GALNT17: variants seen among roughly 807,000 people sequenced by gnomAD.
GALNT17 encodes the protein UDP-GalNAc:polypeptide N-acetylgalactosaminyltransferase-like 3.
In GALNT17, 29 loss-of-function variants were observed where a neutral mutation model predicts 63.7. That is an observed-to-expected ratio of 0.46 (90% CI 0.34 to 0.62). The LOEUF (loss-of-function observed/expected upper bound fraction) is 0.62, where lower values mean the gene tolerates loss of function less well. GALNT17 is among the 20% of genes least tolerant of loss of function. GALNT17 has a pLI of 0.01. For synonymous variants in GALNT17, 305 were observed against 318.3 expected, an observed-to-expected ratio of 0.96 and a Z score of 0.45; for missense variants, 603 against 799.6, an observed-to-expected ratio of 0.75 and a Z score of 2.97.
intron 5 of GALNT17, among the ~76,000 whole-genome samples, chr7:71,560,664 G>C (rs919396178): frequency 6.6e-6 from 1 of 152,186 alleles, no homozygotes; most frequent in African/African-American, 2.4e-5. Context: ...CTTTAGCACC[G>C]TCATGAGAAA....
intron 1 of GALNT17, among the ~76,000 whole-genome samples, chr7:71,333,260 T>G (rs1791838534): frequency 1.3e-5 from 2 of 151,906 alleles, no homozygotes; most frequent in African/African-American, 4.9e-5. Context: ...CTATATGGTC[T>G]TCCGTGACTA....
chr7:71,362,686 T>C (rs1236873798), intron 2 of GALNT17, among the ~76,000 whole-genome samples: 2 of 152,194 alleles, frequency 1.3e-5, no homozygotes, highest in African/African-American at 4.8e-5. Context: ...GGCATTTTTC[T>C]TGGCAAAAGT....
intron 5 of GALNT17, among the ~76,000 whole-genome samples, chr7:71,457,665 G>T (rs1318147936): frequency 6.6e-6 from 1 of 152,150 alleles, no homozygotes; most frequent in East Asian, 1.9e-4. Context: ...CTGCAGTGGT[G>T]CTGGTGGGAG....
At chr7:71,364,371 G>A (rs1456396107) in intron 2 of GALNT17, among the ~76,000 whole-genome samples, 2 of 151,992 alleles carry the variant, frequency 1.3e-5, no homozygotes, top group Non-Finnish European at 2.9e-5. Context: ...GGAGTGTCTC[G>A]CTTCAGTCCT....
intron 1 of GALNT17, among the ~76,000 whole-genome samples, chr7:71,262,120 A>T (rs924553760): frequency 4.6e-5 from 7 of 151,744 alleles, no homozygotes; most frequent in African/African-American, 1.2e-4. Flanking sequence ...ATTGATTTTT[A>T]TTTTTTTTGT....
intron 1 of GALNT17, among the ~76,000 whole-genome samples, chr7:71,322,072 C>T (rs1791627483): frequency 6.6e-6 from 1 of 151,940 alleles, no homozygotes; most frequent in Non-Finnish European, 1.5e-5. Context: ...TCACATCAGT[C>T]TTCTAAGCAG....
chr7:71,590,778 A>T (rs964310071), intron 6 of GALNT17, among the ~76,000 whole-genome samples: 2 of 151,922 alleles, frequency 1.3e-5, no homozygotes, highest in African/African-American at 4.8e-5. Flanking sequence ...CCCAGGCTGG[A>T]GTGTAGTGGC....
chr7:71,246,115 GTTTTTTT>G (rs61447370), intron 1 of GALNT17, among the ~76,000 whole-genome samples: 2 of 92,000 alleles, frequency 2.2e-5, no homozygotes, highest in Non-Finnish European at 2.1e-5. Flanking sequence ...TTTTTTCGTT[GTTTTTTT>G]TTTTTTTTTT....
In GALNT17 at chr7:71,415,965, G is replaced by A. The variant is rs201835219; in HGVS notation, c.666G>A (p.Lys222=). 9.0e-4 allele frequency: 1,455 copies of A among 1,613,706 alleles called. 2 individuals carry two copies. The highest frequency in any genetic ancestry group is 1.2e-3 in the Non-Finnish European group (1,379 of 1,179,872). Residue 222 remains lysine, a synonymous_variant, in exon 4 of 11, where the codon AAG becomes AAA. Coordinates refer to ENST00000333538, the MANE Select transcript of GALNT17 (RefSeq NM_022479.3). ...PGLVKVVRNQ[K]REGLIRARIE... is the part of the protein sequence containing the mutation. ...TGGTGAAGGTGGTAAGAAATCAGAAGAGGGAAGGCCTGATCCGCGCTCGCA... is the reference window on the plus strand; with the variant it reads ...TGGTGAAGGTGGTAAGAAATCAGAAAAGGGAAGGCCTGATCCGCGCTCGCA...
At chr7:71,548,077 A>AAT (rs1562685847) in intron 5 of GALNT17, among the ~76,000 whole-genome samples, 11 of 151,088 alleles carry the variant, frequency 7.3e-5, no homozygotes, top group African/African-American at 2.7e-4. Flanking sequence ...AAAATAAAAA[A>AAT]TTTTTTTTTT....
intron 1 of GALNT17, among the ~76,000 whole-genome samples, chr7:71,235,654 C>T (rs991666561): frequency 6.6e-5 from 10 of 152,326 alleles, no homozygotes; most frequent in South Asian, 4.1e-4. Flanking sequence ...CTCCCAGCAC[C>T]GCATTCAGGC....
At chr7:71,546,143 A>G (rs1788980523) in intron 5 of GALNT17, among the ~76,000 whole-genome samples, 1 of 150,270 alleles carries the variant, frequency 6.7e-6, no homozygotes, top group East Asian at 2.0e-4. Flanking sequence ...ACAGGTCATT[A>G]TGAATTCTTG....
At chr7:71,385,361 C>CT (rs1792922177) in intron 2 of GALNT17, among the ~76,000 whole-genome samples, 1 of 152,212 alleles carries the variant, frequency 6.6e-6, no homozygotes, top group South Asian at 2.1e-4. Context: ...TATCCAGCCC[C>CT]TTTAAGATCC....
chr7:71,432,319 A>G (rs1786881886), intron 5 of GALNT17, among the ~76,000 whole-genome samples: 1 of 152,172 alleles, frequency 6.6e-6, no homozygotes, highest in African/African-American at 2.4e-5. Flanking sequence ...AGTCCTGCCA[A>G]TCAGGAAGCT....
intron 1 of GALNT17, among the ~76,000 whole-genome samples, chr7:71,196,276 T>A (rs1789047575): frequency 6.6e-6 from 1 of 152,026 alleles, no homozygotes; most frequent in Non-Finnish European, 1.5e-5. Context: ...TAGCTGGGGT[T>A]ACAGGCACCT....
chr7:71,347,476 C>T (rs1176443832), intron 2 of GALNT17, among the ~76,000 whole-genome samples: 1 of 152,152 alleles, frequency 6.6e-6, no homozygotes, highest in Non-Finnish European at 1.5e-5. Context: ...CAGGCACAAG[C>T]CACCACACCT....
chr7:71,152,407 G>A (rs923329934), intron 1 of GALNT17, among the ~76,000 whole-genome samples: 2 of 152,022 alleles, frequency 1.3e-5, no homozygotes, highest in Admixed American at 1.3e-4. Context: ...CCCAAGGGGC[G>A]GAGTAGACTG....
intron 2 of GALNT17, among the ~76,000 whole-genome samples, chr7:71,340,639 C>G (rs1221469889): frequency 6.6e-6 from 1 of 152,136 alleles, no homozygotes; most frequent in Admixed American, 6.5e-5. Flanking sequence ...CAACAGAAAA[C>G]AGTAAACAGA....
At chr7:71,548,964 G>A (rs1789030407) in intron 5 of GALNT17, among the ~76,000 whole-genome samples, 2 of 152,190 alleles carry the variant, frequency 1.3e-5, no homozygotes, top group Admixed American at 6.5e-5. Flanking sequence ...GGAAGCCAGG[G>A]AGTGGGGTGT....
Sources: allele counts gnomAD v4.1 joint callset (sites outside exome capture counted in the v4.1 genomes callset), GRCh38; gene constraint gnomAD v4.1.1; transcripts MANE v1.5; gene names NCBI Gene and HGNC (gene_info 2026-07-23, HGNC 2026-07-21).